The following SRPK2 variants were observed in gnomAD, a reference collection of about 807,000 sequenced individuals.
The protein encoded by SRPK2 is SRSF protein kinase 2.
SRPK2 carries 21 observed loss-of-function variants against 90.8 expected under a neutral mutation model. The ratio of observed to expected loss-of-function variants is 0.23; its 90% CI spans 0.16 to 0.33. The LOEUF is 0.33. SRPK2 is among the 10% of genes least tolerant of loss of function. SRPK2 has a pLI of 1.00. For missense variants in SRPK2, 620 were observed against 869.0 expected (o/e 0.71, Z 3.60); for synonymous variants, 288 against 311.1 (o/e 0.93, Z 0.78).
chr7:105,297,312 G>C (rs764309020), intron 2 of SRPK2: 6 of 254,438 alleles, frequency 2.4e-5, no homozygotes, highest in Non-Finnish European at 3.7e-5. Flanking sequence ...ACTGAATGAA[G>C]TGACACAGAC....
At chr7:105,353,432 T>G (rs1817434282) in intron 2 of SRPK2, among the ~76,000 whole-genome samples, 1 of 152,130 alleles carries the variant, frequency 6.6e-6, no homozygotes, top group African/African-American at 2.4e-5. Context: ...CTTGACCTCC[T>G]GGGCTCAAGC....
chr7:105,304,332 T>G (rs1183262073), intron 2 of SRPK2: 1 of 152,206 alleles, frequency 6.6e-6, no homozygotes, highest in African/African-American at 2.4e-5. Context: ...TTTAGCTGGT[T>G]CCAAAAATTG....
Position 105,303,207 on chromosome 7 carries a change from T to C in SRPK2, c.71+85441A>G, listed in dbSNP as rs565776515. Among the ~76,000 whole-genome samples, 59 of 152,076 alleles carry C rather than the reference T, an allele frequency of 3.9e-4. 2 individuals are homozygous for C. Among genetic ancestry groups the C allele is most frequent in the Middle Eastern group, 3.4e-3 (1 of 294 alleles). On this transcript the variant is annotated intron_variant, in intron 2 of 15. Transcript: ENST00000393651. ...GAAACCACCATTCTGAGCAAACTATTGCAAGGACAGAAAACCAAACACCGC... is the reference window on the plus strand; with the variant it reads ...GAAACCACCATTCTGAGCAAACTATCGCAAGGACAGAAAACCAAACACCGC...
intron 2 of SRPK2, chr7:105,269,219 C>T (rs1805503560): frequency 2.2e-6 from 1 of 457,694 alleles, no homozygotes; most frequent in Non-Finnish European, 2.9e-6. Context: ...ATTAAATATA[C>T]TAGATAATTT....
At chr7:105,221,580 G>C (rs1798102465) in intron 2 of SRPK2, among the ~76,000 whole-genome samples, 1 of 152,146 alleles carries the variant, frequency 6.6e-6, no homozygotes, top group South Asian at 2.1e-4. Flanking sequence ...CAGCATCACG[G>C]AGCATTCTGT....
intron 3 of SRPK2, among the ~76,000 whole-genome samples, chr7:105,172,869 T>C (rs963256470): frequency 1.3e-5 from 2 of 152,212 alleles, no homozygotes; most frequent in Non-Finnish European, 2.9e-5. Flanking sequence ...AATTTATGCA[T>C]AAAAAGAAAC....
chr7:105,316,022 A>ATTTTT (rs11330337), intron 2 of SRPK2, among the ~76,000 whole-genome samples: 1 of 128,646 alleles, frequency 7.8e-6, no homozygotes. Flanking sequence ...TCTTTAGGTA[A>ATTTTT]TTTTTTTTTT....
Position 105,388,885 on chromosome 7 carries a change from T to A in SRPK2, c.-79A>T. 1 of 1,242,332 alleles carries A rather than the reference T, an allele frequency of 8.0e-7. No homozygotes were observed. Among genetic ancestry groups the A allele is most frequent in the South Asian group, 3.3e-5 (1 of 30,526 alleles). 77.0% of individuals were successfully genotyped at this position (1,242,332 alleles called of 1,614,324 possible). On this transcript the variant is annotated 5_prime_UTR_variant, in exon 1 of 16. Transcript: ENST00000393651. Reference sequence around the variant, plus strand: ...AGACGAGCTGGGCTGCAGCCTCCACTCGCTCCGCCGGCCGGGAGGAGACGA... The same window carrying A: ...AGACGAGCTGGGCTGCAGCCTCCACACGCTCCGCCGGCCGGGAGGAGACGA...
intron 2 of SRPK2, among the ~76,000 whole-genome samples, chr7:105,275,040 A>T (rs1026518393): frequency 1.3e-5 from 2 of 152,024 alleles, no homozygotes. Context: ...AGCACCCGCC[A>T]CCACGCCTGA....
chr7:105,133,847 G>C (rs148766557), intron 11 of SRPK2, among the ~76,000 whole-genome samples: 36 of 152,240 alleles, frequency 2.4e-4, no homozygotes, highest in African/African-American at 8.4e-4. Context: ...GATGACTCCA[G>C]GGAATCTCAA....
chr7:105,384,099 T>G (rs1821264378), intron 2 of SRPK2, among the ~76,000 whole-genome samples: 1 of 152,114 alleles, frequency 6.6e-6, no homozygotes, highest in African/African-American at 2.4e-5. Context: ...AAAGGTAAAT[T>G]TTATGGTATG....
chr7:105,123,976 G>A (rs995421898), intron 15 of SRPK2, among the ~76,000 whole-genome samples: 1 of 152,228 alleles, frequency 6.6e-6, no homozygotes, highest in African/African-American at 2.4e-5. Flanking sequence ...CAAATAAGCT[G>A]CTCAAAAAGA....
chr7:105,347,533 C>T (rs1350883720), intron 2 of SRPK2, among the ~76,000 whole-genome samples: 1 of 151,688 alleles, frequency 6.6e-6, no homozygotes. Context: ...GATATTCAGC[C>T]GAAGAATGAG....
At position 105,165,538 on chromosome 7, in the gene SRPK2, G is replaced by C. The variant is rs757327719; in HGVS notation, c.514+1839C>G. On this transcript the variant is annotated intron_variant, in intron 6 of 15. Transcript: ENST00000393651. ...TGTGTCTAGCTAAAGGATTGTAAAT[G>C]CACCAATCAGCACTCTGTAAAAACG... Among the ~76,000 whole-genome samples the C allele has an allele frequency of 4.6e-5, 7 of 152,158 alleles. 1 individual carries two copies. Among genetic ancestry groups the C allele is most frequent in the Admixed American group, 2.0e-4 (3 of 15,274 alleles).
chr7:105,301,181 C>T (rs1214600540), intron 2 of SRPK2, among the ~76,000 whole-genome samples: 2 of 152,064 alleles, frequency 1.3e-5, no homozygotes, highest in Non-Finnish European at 2.9e-5. Flanking sequence ...CAGTGGCTCA[C>T]GCCTGTAATC....
At position 105,116,793 on chromosome 7, in the gene SRPK2, G is replaced by T. The variant is rs566883727; in HGVS notation, c.*1045C>A. On this transcript the variant is annotated 3_prime_UTR_variant, in exon 16 of 16. Coordinates refer to ENST00000393651, the MANE Select transcript of SRPK2 (RefSeq NM_182692.3). ...TGTAGCCACACGTAAAGCTACCTAT[G>T]GAATGAATGTGATCACTGTTATCTT... The T allele has an allele frequency of 6.6e-6, 1 of 152,422 alleles. No homozygotes were observed. The highest frequency in any genetic ancestry group is 1.9e-4 in the East Asian group (1 of 5,186). 9.4% of individuals were successfully genotyped at this position (152,422 alleles called of 1,614,324 possible).
At chr7:105,119,577 G>C (rs896043147) in intron 15 of SRPK2, among the ~76,000 whole-genome samples, 1 of 152,216 alleles carries the variant, frequency 6.6e-6, no homozygotes, top group Non-Finnish European at 1.5e-5. Flanking sequence ...ATGAGGACTG[G>C]AGCTAGAGTA....
At chr7:105,149,169 C>A (rs1161270180) in intron 7 of SRPK2, among the ~76,000 whole-genome samples, 2 of 152,040 alleles carry the variant, frequency 1.3e-5, no homozygotes, top group Non-Finnish European at 2.9e-5. Flanking sequence ...TCCTGCCTGC[C>A]CCTGGGAACT....
At chr7:105,382,177 A>T (rs533409648) in intron 2 of SRPK2, among the ~76,000 whole-genome samples, 106 of 141,548 alleles carry the variant, frequency 7.5e-4, no homozygotes, top group African/African-American at 2.5e-3. Flanking sequence ...CAAAAAAAAA[A>T]GTAGAAGCAA....
Sources: gnomAD v4.1 joint callset for allele counts (sites outside exome capture counted in the v4.1 genomes callset) on GRCh38, gnomAD v4.1.1 for gene constraint, MANE v1.5 for transcripts, NCBI Gene and HGNC (gene_info 2026-07-23, HGNC 2026-07-21) for gene names.